TNS3: variants seen among roughly 807,000 people sequenced by gnomAD.
The protein encoded by TNS3 is tensin 3.
In TNS3, 45 loss-of-function variants were observed where a neutral mutation model predicts 140.9. The ratio of observed to expected loss-of-function variants is 0.32; its 90% CI spans 0.25 to 0.41. The LOEUF is 0.41. Among genes scored for constraint, TNS3 ranks in the 10% least tolerant of loss-of-function variants. The probability of loss-of-function intolerance (pLI) is 1.00; values close to 1 mark genes in which losing one functional copy is unlikely to be tolerated. For missense variants in TNS3, 1,716 were observed against 1,906.7 expected (o/e 0.90, Z 1.86); for synonymous variants, 815 against 788.4 (o/e 1.03, Z -0.56).
In TNS3 at chr7:47,293,724, G is replaced by A; in HGVS notation, c.3772+9C>T. ...CAGAACATTGACAGCAACCTCTCAA[G>A]CAACTCACCGAAATATGGTTCATTC... is the stretch of plus-strand genomic sequence containing the variant. On this transcript the variant is annotated intron_variant, in intron 25 of 30. Transcript: ENST00000311160. 1 of 1,613,446 alleles carries A rather than the reference G, an allele frequency of 6.2e-7. No homozygotes were observed. Among genetic ancestry groups the A allele is most frequent in the Non-Finnish European group, 8.5e-7 (1 of 1,179,384 alleles).
intron 1 of TNS3, among the ~76,000 whole-genome samples, chr7:47,550,578 A>T (rs663506): frequency 1.3e-5 from 2 of 152,166 alleles, no homozygotes; most frequent in Admixed American, 1.3e-4. Flanking sequence ...AAGGCACATG[A>T]GAACAAAATC....
chr7:47,512,303 G>A (rs1798639316), intron 2 of TNS3, among the ~76,000 whole-genome samples: 1 of 152,068 alleles, frequency 6.6e-6, no homozygotes, highest in Admixed American at 6.5e-5. Context: ...GGGACCTCAG[G>A]AGTCTGAACT....
chr7:47,283,895 GT>G, intron 27 of TNS3, 30 bp from the exon 28 acceptor site: 1 of 1,540,074 alleles, frequency 6.5e-7, no homozygotes, highest in Non-Finnish European at 8.7e-7. Context: ...ACACATGTTA[GT>G]TGCAACTATT....
intron 1 of TNS3, among the ~76,000 whole-genome samples, chr7:47,537,058 CCG>C (rs1799625328): frequency 6.6e-6 from 1 of 151,836 alleles, no homozygotes; most frequent in South Asian, 2.1e-4. Flanking sequence ...CGACCGGGTT[CCG>C]CGCGCGAACC....
At chr7:47,508,212 C>T (rs1333125349) in intron 2 of TNS3, among the ~76,000 whole-genome samples, 4 of 152,204 alleles carry the variant, frequency 2.6e-5, no homozygotes, top group African/African-American at 9.7e-5. Flanking sequence ...GATAAGGTCA[C>T]TTGCCCACTG....
At chr7:47,338,485 A>T (rs1050619646) in intron 20 of TNS3, among the ~76,000 whole-genome samples, 2 of 152,152 alleles carry the variant, frequency 1.3e-5, no homozygotes, top group Admixed American at 6.5e-5. Context: ...CTCTTCAGTG[A>T]CATGTCTCTT....
chr7:47,488,760 C>A (rs545288297), intron 3 of TNS3, among the ~76,000 whole-genome samples: 1 of 151,984 alleles, frequency 6.6e-6, no homozygotes, highest in Admixed American at 6.5e-5. Flanking sequence ...CGACACAGAA[C>A]GTTCTGGGCA....
Position 47,368,594 on chromosome 7 carries a change from T to G in TNS3, c.2052A>C (p.Thr684=). ...GGGTGGGCGAGCCTGGGGAGGGGCC[T>G]GTGCTCAGCTCTGGGCCGGCTCCAT... ...VVNGAGPELS[T]GPSPGSPTLD... The change falls in exon 17 of 31, where the codon ACA becomes ACC. Residue 684 remains threonine, a synonymous_variant. Transcript: ENST00000311160. The G allele has an allele frequency of 6.3e-7, 1 of 1,577,830 alleles. No homozygotes were observed. The highest frequency in any genetic ancestry group is 1.3e-5 in the African/African-American group (1 of 74,326).
chr7:47,478,427 C>G (rs1427312574), intron 4 of TNS3, among the ~76,000 whole-genome samples: 2 of 151,938 alleles, frequency 1.3e-5, no homozygotes, highest in Non-Finnish European at 2.9e-5. Context: ...CACACACACA[C>G]ACACACACAT....
rs117498030 is a variant in TNS3, at chr7:47,290,102, A to G, written c.3928+1853T>C. 9.6e-4 allele frequency among the ~76,000 whole-genome samples: 146 copies of G among 152,354 alleles called. No individual in the cohort carries two copies. The East Asian group carries it at 0.028, about 29-fold the overall frequency. ...CATGAATATAGTTAACTGATCTTAG[A>G]CAAAAGAGCAAAGGGAATACAACTG... On this transcript the variant is annotated intron_variant, in intron 27 of 30. Coordinates refer to ENST00000311160, the MANE Select transcript of TNS3 (RefSeq NM_022748.12).
At chr7:47,477,284 C>A (rs1015862100) in intron 4 of TNS3, among the ~76,000 whole-genome samples, 1 of 152,130 alleles carries the variant, frequency 6.6e-6, no homozygotes, top group Non-Finnish European at 1.5e-5. Context: ...CAGCTCACCT[C>A]GATAAAACAT....
chr7:47,461,269 T>C (rs1055020133), intron 4 of TNS3, among the ~76,000 whole-genome samples: 1 of 152,206 alleles, frequency 6.6e-6, no homozygotes, highest in Admixed American at 6.5e-5. Context: ...AGAATGAAAC[T>C]GCATCTTGCC....
intron 1 of TNS3, among the ~76,000 whole-genome samples, chr7:47,554,724 A>G (rs943689917): frequency 3.9e-5 from 6 of 152,184 alleles, no homozygotes; most frequent in African/African-American, 7.2e-5. Flanking sequence ...ATAAGCAAAG[A>G]AAGTGGTTTC....
At chr7:47,547,447 G>A (rs1799951328) in intron 1 of TNS3, among the ~76,000 whole-genome samples, 1 of 152,126 alleles carries the variant, frequency 6.6e-6, no homozygotes, top group South Asian at 2.1e-4. Flanking sequence ...AATTGCAGGG[G>A]GCAGCGGCAC....
intron 23 of TNS3, among the ~76,000 whole-genome samples, chr7:47,300,924 T>TC (rs1482688253): frequency 6.6e-6 from 1 of 152,248 alleles, no homozygotes; most frequent in African/African-American, 2.4e-5. Flanking sequence ...AGGCTTTTTT[T>TC]TCTCTCTCTT....
chr7:47,354,786 T>C (rs1789891894), intron 17 of TNS3, among the ~76,000 whole-genome samples: 1 of 152,074 alleles, frequency 6.6e-6, no homozygotes, highest in Admixed American at 6.5e-5. Context: ...GCAGTGGCTT[T>C]TTCTTTACAC....
At chr7:47,517,106 A>G (rs937311629) in intron 2 of TNS3, among the ~76,000 whole-genome samples, 2 of 152,176 alleles carry the variant, frequency 1.3e-5, no homozygotes, top group Admixed American at 6.5e-5. Context: ...TTGTATCCCA[A>G]TTCAGCCTGG....
chr7:47,334,210 A>G (rs769062356), intron 20 of TNS3, among the ~76,000 whole-genome samples: 3 of 152,214 alleles, frequency 2.0e-5, no homozygotes, highest in Non-Finnish European at 4.4e-5. Flanking sequence ...CAATCCTCCC[A>G]GCCCTTCACA....
intron 17 of TNS3, among the ~76,000 whole-genome samples, chr7:47,357,559 A>G (rs771336561): frequency 3.9e-5 from 6 of 152,170 alleles, no homozygotes; most frequent in Non-Finnish European, 7.3e-5. Flanking sequence ...GCATAGCCTT[A>G]AAGAGCCGCA....
Sources: gnomAD v4.1 joint callset for allele counts (sites outside exome capture counted in the v4.1 genomes callset) on GRCh38, gnomAD v4.1.1 for gene constraint, MANE v1.5 for transcripts, NCBI Gene and HGNC (gene_info 2026-07-23, HGNC 2026-07-21) for gene names.